SEMA6D: variants seen among roughly 807,000 people sequenced by gnomAD.
SEMA6D encodes semaphorin-6D.
Under a neutral mutation model 106.6 loss-of-function variants are expected in SEMA6D, and 35 were observed. The observed-to-expected ratio is 0.33, with a 90% CI of 0.25 to 0.44. SEMA6D has a LOEUF of 0.44. Ranked by LOEUF, SEMA6D falls within the 20% of genes least tolerant of loss-of-function variation. The pLI is 1.00. For synonymous variants in SEMA6D, 499 were observed against 487.7 expected, an observed-to-expected ratio of 1.02 and a Z score of -0.31; for missense variants, 1,185 against 1,345.9, an observed-to-expected ratio of 0.88 and a Z score of 1.87.
chr15:47,258,432 A>G (rs984316367), intron 1 of SEMA6D, among the ~76,000 whole-genome samples: 2 of 152,196 alleles, frequency 1.3e-5, no homozygotes, highest in Non-Finnish European at 2.9e-5. Context: ...GAAGATAAAG[A>G]TAATACTTGT....
At chr15:47,580,474 T>C (rs924742445) in intron 3 of SEMA6D, among the ~76,000 whole-genome samples, 9 of 152,230 alleles carry the variant, frequency 5.9e-5, no homozygotes, top group African/African-American at 2.2e-4. Flanking sequence ...TTTTTCATGT[T>C]TGTGGTTGTC....
intron 4 of SEMA6D, among the ~76,000 whole-genome samples, chr15:47,616,844 T>A (rs1038330788): frequency 3.9e-5 from 6 of 152,236 alleles, no homozygotes; most frequent in Admixed American, 2.6e-4. Flanking sequence ...CCAGCCCTCT[T>A]ACCTTCTCCC....
chr15:47,236,923 G>A (rs1342937408), intron 1 of SEMA6D, among the ~76,000 whole-genome samples: 1 of 152,064 alleles, frequency 6.6e-6, no homozygotes, highest in East Asian at 1.9e-4. Context: ...TATAATTTCT[G>A]AAGGGATTTG....
intron 4 of SEMA6D, among the ~76,000 whole-genome samples, chr15:47,683,890 A>G (rs1386628963): frequency 4.6e-5 from 7 of 152,182 alleles, no homozygotes. Context: ...ACCTTTTTCT[A>G]TCAACATACG....
chr15:47,253,586 G>A (rs905314899), intron 1 of SEMA6D, among the ~76,000 whole-genome samples: 2 of 152,126 alleles, frequency 1.3e-5, no homozygotes, highest in African/African-American at 4.8e-5. Context: ...TGGATATCCA[G>A]TTTTCCCAGC....
intron 2 of SEMA6D, among the ~76,000 whole-genome samples, chr15:47,456,972 C>T (rs2042363495): frequency 6.6e-6 from 1 of 151,942 alleles, no homozygotes; most frequent in Non-Finnish European, 1.5e-5. Context: ...GGAAACCACC[C>T]ACATCTTGAG....
intron 1 of SEMA6D, among the ~76,000 whole-genome samples, chr15:47,334,152 G>A (rs1366616143): frequency 6.6e-6 from 1 of 152,196 alleles, no homozygotes; most frequent in Non-Finnish European, 1.5e-5. Flanking sequence ...CTTCCAGATA[G>A]CTGAACATGT....
chr15:47,364,752 C>T (rs2038950139), intron 1 of SEMA6D, among the ~76,000 whole-genome samples: 1 of 151,896 alleles, frequency 6.6e-6, no homozygotes, highest in Non-Finnish European at 1.5e-5. Context: ...CCTCGTCCCC[C>T]TACTGCCACC....
At chr15:47,554,123 CT>C (rs1156243101) in intron 3 of SEMA6D, among the ~76,000 whole-genome samples, 6 of 152,342 alleles carry the variant, frequency 3.9e-5, no homozygotes, top group African/African-American at 1.4e-4. Context: ...ACCACACTCT[CT>C]GATAAGAAAG....
intron 1 of SEMA6D, among the ~76,000 whole-genome samples, chr15:47,260,755 G>A (rs1389591875): frequency 1.3e-5 from 2 of 152,018 alleles, no homozygotes; most frequent in Admixed American, 1.3e-4. Flanking sequence ...TGGAATGGGG[G>A]AATTTAAAAC....
At chr15:47,494,784 AT>A in intron 3 of SEMA6D, among the ~76,000 whole-genome samples, 2 of 100,768 alleles carry the variant, frequency 2.0e-5, no homozygotes, top group African/African-American at 4.6e-5. Flanking sequence ...ATATATATAT[AT>A]ATATAATCTC....
chr15:47,418,731 G>T (rs2041059004), intron 2 of SEMA6D, among the ~76,000 whole-genome samples: 1 of 152,038 alleles, frequency 6.6e-6, no homozygotes, highest in Admixed American at 6.6e-5. Flanking sequence ...CCACTTAGGA[G>T]ACTGCTTCAA....
intron 4 of SEMA6D, among the ~76,000 whole-genome samples, chr15:47,682,952 G>A (rs2078389138): frequency 6.6e-6 from 1 of 152,212 alleles, no homozygotes; most frequent in Non-Finnish European, 1.5e-5. Flanking sequence ...CATAAGTGCT[G>A]TTGATTGGTT....
chr15:47,691,849 T>TAA (rs5812407), intron 4 of SEMA6D, among the ~76,000 whole-genome samples: 1 of 144,522 alleles, frequency 6.9e-6, no homozygotes, highest in African/African-American at 2.6e-5. Flanking sequence ...GAAAAGACAG[T>TAA]AAAAAAAAAA....
intron 2 of SEMA6D, among the ~76,000 whole-genome samples, chr15:47,431,148 T>G (rs940420408): frequency 1.3e-5 from 2 of 152,190 alleles, no homozygotes; most frequent in African/African-American, 4.8e-5. Context: ...GGGCTCATGG[T>G]CTCATTTTTG....
chr15:47,301,774 T>C (rs896209755), intron 1 of SEMA6D, among the ~76,000 whole-genome samples: 1 of 152,170 alleles, frequency 6.6e-6, no homozygotes, highest in African/African-American at 2.4e-5. Context: ...CTCTTAAAAA[T>C]AGCTCCAGGG....
At chr15:47,675,332 G>A (rs2078221112) in intron 4 of SEMA6D, among the ~76,000 whole-genome samples, 1 of 152,148 alleles carries the variant, frequency 6.6e-6, no homozygotes, top group Admixed American at 6.5e-5. Context: ...GTTAAAATGA[G>A]GCAATTAGGG....
chr15:47,745,210 T>C (rs2081059890), intron 1 of SEMA6D, among the ~76,000 whole-genome samples: 1 of 152,242 alleles, frequency 6.6e-6, no homozygotes, highest in African/African-American at 2.4e-5. Flanking sequence ...GGCTTCCTGG[T>C]ACTCACCTGG....
rs547696475 is a variant in SEMA6D, at chr15:47,467,921, C to T, written c.-158-2553C>T. ...CTTTAATTTTACGGCCTTAGTGTTT[C>T]CCCTCATCTGTAGCATAAAAATTAT... On this transcript the variant is annotated intron_variant, in intron 2 of 19. Transcript: ENST00000558014. Among the ~76,000 whole-genome samples the T allele has an allele frequency of 1.3e-4, 20 of 152,116 alleles. No homozygotes were observed. The South Asian group carries it at 4.2e-3, about 32-fold the overall frequency.
Sources: gnomAD v4.1 joint callset for allele counts (sites outside exome capture counted in the v4.1 genomes callset) on GRCh38, gnomAD v4.1.1 for gene constraint, MANE v1.5 for transcripts, NCBI Gene and HGNC (gene_info 2026-07-23, HGNC 2026-07-21) for gene names.